The following TXLNG variants were observed in gnomAD, a reference collection of about 807,000 sequenced individuals.
TXLNG encodes taxilin gamma.
In TXLNG, 5 loss-of-function variants were observed where a neutral mutation model predicts 38.8. That is an observed-to-expected ratio of 0.13 (90% CI 0.07 to 0.27). The LOEUF (loss-of-function observed/expected upper bound fraction) is 0.27, where lower values mean the gene tolerates loss of function less well. Ranked by LOEUF, TXLNG falls within the 10% of genes least tolerant of loss-of-function variation. The probability of loss-of-function intolerance (pLI) is 1.00; values close to 1 mark genes in which losing one functional copy is unlikely to be tolerated. For synonymous variants in TXLNG, 182 were observed against 158.2 expected (o/e 1.15, Z -1.13); for missense variants, 393 against 398.2 (o/e 0.99, Z 0.11).
intron 1 of TXLNG, among the ~76,000 whole-genome samples, chrX:16,810,811 C>G (rs1928486060): frequency 9.0e-6 from 1 of 111,507 alleles, no homozygotes; most frequent in Non-Finnish European, 1.9e-5. Context: ...GCCTCAGCCT[C>G]CCGAGTTTCC....
intron 3 of TXLNG, among the ~76,000 whole-genome samples, chrX:16,820,641 A>G (rs1928903606): frequency 8.9e-6 from 1 of 112,568 alleles, no homozygotes; most frequent in African/African-American, 3.2e-5. Context: ...TGTGAGTTAC[A>G]TGAAATCATC....
intron 8 of TXLNG, 107 bp from the exon 9 acceptor site, chrX:16,839,714 T>C: frequency 2.0e-6 from 1 of 490,814 alleles, no homozygotes; most frequent in Non-Finnish European, 3.4e-6. Flanking sequence ...GTGAGGGAGG[T>C]GCAGGGATGG....
intron 1 of TXLNG, among the ~76,000 whole-genome samples, chrX:16,801,540 T>C (rs1034872811): frequency 1.3e-4 from 14 of 111,677 alleles, no homozygotes; most frequent in Non-Finnish European, 2.4e-4. Flanking sequence ...CCCTTTCCAT[T>C]ACGCTTACCT....
At chrX:16,821,134 TTCTTTC>T (rs1463305406) in intron 3 of TXLNG, among the ~76,000 whole-genome samples, 2 of 65,972 alleles carry the variant, frequency 3.0e-5, no homozygotes, top group East Asian at 7.0e-4. Flanking sequence ...CTTTCTTTCT[TTCTTTC>T]TTTTTTTTTT....
intron 3 of TXLNG, among the ~76,000 whole-genome samples, chrX:16,821,136 CTTTCTTTTTTTTTT>C (rs1456649896): frequency 1.8e-5 from 1 of 54,528 alleles, no homozygotes; most frequent in African/African-American, 8.2e-5. Flanking sequence ...TTCTTTCTTT[CTTTCTTTTTTTTTT>C]TTTTTTTTGA....
Position 16,841,851 on chromosome X carries a change from A to T in TXLNG, c.*85A>T. ...GTTAACTATTGGTTTTGTGGTGAAA[A>T]TTTTCTTACTTTTTCTACCATATCT... On this transcript the variant is annotated 3_prime_UTR_variant, in exon 10 of 10. Coordinates refer to ENST00000380122, the MANE Select transcript of TXLNG (RefSeq NM_018360.3). The T allele has an allele frequency of 9.7e-7, 1 of 1,025,844 alleles. No individual in the cohort carries two copies. The highest frequency in any genetic ancestry group is 2.3e-5 in the South Asian group (1 of 43,451). The allele number at this position is 1,025,844 out of a possible 1,213,427, so 84.5% of individuals were successfully genotyped here.
intron 3 of TXLNG, among the ~76,000 whole-genome samples, chrX:16,827,164 G>A (rs1157905912): frequency 9.0e-6 from 1 of 111,300 alleles, no homozygotes; most frequent in Non-Finnish European, 1.9e-5. Context: ...GGGAGGTGGA[G>A]GCTGCAGTGA....
At chrX:16,836,574 G>A (rs924137053) in intron 7 of TXLNG, among the ~76,000 whole-genome samples, 4 of 112,090 alleles carry the variant, frequency 3.6e-5, no homozygotes, top group African/African-American at 1.3e-4. Flanking sequence ...ACCACAGTGC[G>A]TGCTGCTTAA....
chrX:16,798,148 C>A (rs907862061), intron 1 of TXLNG, among the ~76,000 whole-genome samples: 5 of 112,018 alleles, frequency 4.5e-5, no homozygotes, highest in African/African-American at 1.6e-4. Context: ...TTTGTAATAC[C>A]ATCCATTAGT....
chrX:16,829,706 A>G lies in TXLNG; in HGVS notation c.800A>G (p.Gln267Arg). 3 of 1,212,245 alleles carry G rather than the reference A, an allele frequency of 2.5e-6. No individual in the cohort carries two copies. Among genetic ancestry groups the G allele is most frequent in the Non-Finnish European group, 3.3e-6 (3 of 895,639 alleles). The change falls in exon 5 of 10, where the codon CAG becomes CGG. Residue 267 changes from glutamine to arginine, a missense_variant. Physicochemically the swap from Gln to Arg is conservative, Grantham distance 43 (BLOSUM62 1). Coordinates refer to ENST00000380122, the MANE Select transcript of TXLNG (RefSeq NM_018360.3). ...QHDIHNAKLR[Q>R]ENIELGEKLK... ...GACATCCACAACGCCAAACTCCGAC[A>G]GGAAAACATTGAGCTGGGGGAGAAG...
At position 16,789,444 on chromosome X, in the gene TXLNG, A is replaced by G. The variant is rs759164827; in HGVS notation, c.102+2855A>G. 2.1e-3 allele frequency among the ~76,000 whole-genome samples: 227 copies of G among 109,905 alleles called. 2 individuals are homozygous for G. Among genetic ancestry groups the G allele is most frequent in the Non-Finnish European group, 3.1e-3 (164 of 52,943 alleles). ...TAGCTAAATTTGTTAACTAAAATTA[A>G]AATTAAAAATTTTTTTCTTCAGTTA... On this transcript the variant is annotated intron_variant, in intron 1 of 9. Coordinates refer to ENST00000380122, the MANE Select transcript of TXLNG (RefSeq NM_018360.3).
At chrX:16,809,417 C>G (rs1156975743) in intron 1 of TXLNG, among the ~76,000 whole-genome samples, 1 of 102,752 alleles carries the variant, frequency 9.7e-6, no homozygotes, top group Non-Finnish European at 2.0e-5. Flanking sequence ...GATCTCGGCT[C>G]TCTGCAACCT....
chrX:16,808,958 T>TA (rs1172096222), intron 1 of TXLNG, among the ~76,000 whole-genome samples: 5 of 112,022 alleles, frequency 4.5e-5, no homozygotes, highest in Non-Finnish European at 9.4e-5. Context: ...TCCAACATCT[T>TA]ATGAAAAATT....
At chrX:16,810,205 G>C (rs954599938) in intron 1 of TXLNG, among the ~76,000 whole-genome samples, 16 of 111,959 alleles carry the variant, frequency 1.4e-4, no homozygotes, top group African/African-American at 4.9e-4. Context: ...ACTATTTACT[G>C]TATAAGTATT....
intron 5 of TXLNG, 114 bp downstream of exon 5, chrX:16,829,884 G>T: frequency 1.5e-6 from 1 of 671,601 alleles, no homozygotes; most frequent in Admixed American, 3.6e-5. Flanking sequence ...TATGCATAGT[G>T]GCAGTCGGTT....
rs201103061 is a variant in TXLNG, at chrX:16,832,611, C to T, written c.865-12C>T. 1.8e-4 allele frequency: 212 copies of T among 1,209,311 alleles called. No individual in the cohort carries two copies. The highest frequency in any genetic ancestry group is 2.2e-4 in the Non-Finnish European group (199 of 894,939). On this transcript the variant is annotated splice_polypyrimidine_tract_variant and intron_variant, in intron 5 of 9. Coordinates refer to ENST00000380122, the MANE Select transcript of TXLNG (RefSeq NM_018360.3). ...TTGGTGAGTGATGGAAGAAACTCTC[C>T]TTTTCCCATAGCACATTGATAAGGT... is the stretch of plus-strand genomic sequence containing the variant.
rs770592703 is a variant in TXLNG, at chrX:16,840,429, T to G, written c.1248+513T>G. 6.6e-6 allele frequency: 5 copies of G among 752,579 alleles called. No homozygotes were observed. The East Asian group carries it at 6.1e-4, about 91-fold the overall frequency. 62.0% of individuals were successfully genotyped at this position (752,579 alleles called of 1,213,427 possible). A position where few individuals can be genotyped will look rare whatever the true frequency, so the allele number is the denominator to read the frequency against. Reference sequence around the variant, plus strand: ...AGCAACAAAGTACGTTTTGCCTGTTTTATATAACACTTCAGGAAAGAAAGA... The same window carrying G: ...AGCAACAAAGTACGTTTTGCCTGTTGTATATAACACTTCAGGAAAGAAAGA... On this transcript the variant is annotated intron_variant, in intron 9 of 9. Coordinates refer to ENST00000380122, the MANE Select transcript of TXLNG (RefSeq NM_018360.3).
At chrX:16,787,881 G>A (rs1927554897) in intron 1 of TXLNG, among the ~76,000 whole-genome samples, 2 of 112,323 alleles carry the variant, frequency 1.8e-5, no homozygotes, top group African/African-American at 6.5e-5. Context: ...GAGAACAAAG[G>A]TCCAGTTTAC....
chrX:16,840,458 C>T (rs1012546364), intron 9 of TXLNG: 9 of 752,872 alleles, frequency 1.2e-5, no homozygotes, highest in Non-Finnish European at 1.3e-5. Flanking sequence ...AGAAAGAAAA[C>T]GCTGGGGCAC....
Sources: allele counts gnomAD v4.1 joint callset (sites outside exome capture counted in the v4.1 genomes callset), GRCh38; gene constraint gnomAD v4.1.1; transcripts MANE v1.5; gene names NCBI Gene and HGNC (gene_info 2026-07-23, HGNC 2026-07-21).